PLEKHA8: variants seen among roughly 807,000 people sequenced by gnomAD.
PLEKHA8 encodes the protein pleckstrin homology domain containing A8.
Under a neutral mutation model 68.2 loss-of-function variants are expected in PLEKHA8, and 36 were observed. The observed-to-expected ratio is 0.53, with a 90% CI of 0.40 to 0.70. PLEKHA8 has a LOEUF of 0.70. PLEKHA8 is among the 30% of genes least tolerant of loss of function. PLEKHA8 has a pLI of 0.00. For synonymous variants in PLEKHA8, 211 were observed against 216.1 expected, an observed-to-expected ratio of 0.98 and a Z score of 0.20; for missense variants, 505 against 615.4, an observed-to-expected ratio of 0.82 and a Z score of 1.90.
downstream of PLEKHA8, among the ~76,000 whole-genome samples, chr7:30,088,700 T>C (rs1795278703): frequency 5.3e-5 from 8 of 152,364 alleles, no homozygotes; most frequent in South Asian, 1.7e-3. Context: ...GAGCCCAACC[T>C]TGTTTTTGTG....
At chr7:30,127,735 G>A (rs1562563501) in intron 13 of PLEKHA8, among the ~76,000 whole-genome samples, 1 of 152,114 alleles carries the variant, frequency 6.6e-6, no homozygotes, top group Non-Finnish European at 1.5e-5. Context: ...AAAAGTTCTT[G>A]TCTATAGAAA....
chr7:30,046,425 T>C, intron 3 of PLEKHA8, 60 bp downstream of exon 3: 1 of 1,502,300 alleles, frequency 6.7e-7, no homozygotes, highest in East Asian at 2.3e-5. Context: ...GCATCTCTGA[T>C]TTCCCTTATT....
downstream of PLEKHA8, chr7:30,129,513 A>G (rs1458604951): frequency 3.3e-6 from 2 of 611,562 alleles, no homozygotes; most frequent in Admixed American, 5.9e-5. Flanking sequence ...TGCAATTTCT[A>G]ATTGATACAC....
intron 1 of PLEKHA8, among the ~76,000 whole-genome samples, chr7:30,029,659 G>GA (rs1790505312): frequency 6.6e-6 from 1 of 152,198 alleles, no homozygotes; most frequent in South Asian, 2.1e-4. Context: ...TTTTATCACA[G>GA]AAAATGAATT....
At chr7:30,061,770 A>G in intron 10 of PLEKHA8, 127 bp from the exon 11 acceptor site, 1 of 915,074 alleles carries the variant, frequency 1.1e-6, no homozygotes, top group Non-Finnish European at 1.6e-6. Context: ...ATAAGGAAGA[A>G]GGTAATAGGA....
chr7:30,108,095 T>TAC (rs1464578049), intron 13 of PLEKHA8, among the ~76,000 whole-genome samples: 1 of 120,376 alleles, frequency 8.3e-6, no homozygotes, highest in Non-Finnish European at 1.7e-5. Flanking sequence ...AAAAAAAACC[T>TAC]ACATTCATTG....
intron 6 of PLEKHA8, 69 bp from the exon 7 acceptor site, chr7:30,052,640 C>CAAAA (rs75714651): frequency 4.9e-5 from 52 of 1,066,846 alleles, no homozygotes; most frequent in African/African-American, 4.4e-4. Context: ...GACCCTGTTT[C>CAAAA]AAAAAAAAAA....
intron 12 of PLEKHA8, 79 bp from the exon 13 acceptor site, chr7:30,073,988 TAAAA>T: frequency 2.2e-6 from 2 of 899,964 alleles, no homozygotes; most frequent in South Asian, 1.9e-5. Context: ...CCTGTCTCTT[TAAAA>T]AAAAAAAAAG....
At position 30,080,311 on chromosome 7, in the gene PLEKHA8, C is replaced by T. The variant is rs1020565620; in HGVS notation, c.*1524C>T. 1.8e-5 allele frequency: 18 copies of T among 985,222 alleles called. No homozygotes were observed. The highest frequency in any genetic ancestry group is 1.9e-5 in the Non-Finnish European group (16 of 829,944). 61.0% of individuals were successfully genotyped at this position (985,222 alleles called of 1,614,324 possible). A position where few individuals can be genotyped will look rare whatever the true frequency, so the allele number is the denominator to read the frequency against. On this transcript the variant is annotated 3_prime_UTR_variant, in exon 14 of 14. Coordinates refer to ENST00000449726, the MANE Select transcript of PLEKHA8 (RefSeq NM_001197026.2). ...AGACCATGCTGCCTCGAGTGTGCAT[C>T]GGAGAGAAGCCATGGGTACCTTCCC... is the stretch of plus-strand genomic sequence containing the variant.
intron 1 of PLEKHA8, among the ~76,000 whole-genome samples, chr7:30,036,452 A>ATAGATAGATAGATAGAT (rs1791104400): frequency 7.0e-6 from 1 of 142,250 alleles, no homozygotes; most frequent in Non-Finnish European, 1.6e-5. Context: ...AGATAGATAG[A>ATAGATAGATAGATAGAT]TAGATAGATA....
At chr7:30,074,396 A>G (rs1394462493) in intron 13 of PLEKHA8, among the ~76,000 whole-genome samples, 4 of 152,158 alleles carry the variant, frequency 2.6e-5, no homozygotes, top group African/African-American at 7.2e-5. Context: ...GGAATAGCAA[A>G]GACTGTTAAA....
chr7:30,058,682 GTC>G (rs897870396), intron 9 of PLEKHA8, among the ~76,000 whole-genome samples: 1 of 152,014 alleles, frequency 6.6e-6, no homozygotes, highest in Non-Finnish European at 1.5e-5. Context: ...GATAATGTAA[GTC>G]TCTCAGTTTT....
At chr7:30,090,404 GCA>G in exon 13 of PLEKHA8, 1 of 506,472 alleles carries the variant, frequency 2.0e-6, no homozygotes, top group Non-Finnish European at 3.5e-6. Context: ...GTTCTCTTAA[GCA>G]GGTAAGAACT....
chr7:30,097,078 A>G (rs1795649231), intron 13 of PLEKHA8, among the ~76,000 whole-genome samples: 1 of 151,980 alleles, frequency 6.6e-6, no homozygotes, highest in Non-Finnish European at 1.5e-5. Flanking sequence ...TTTCTCCTTC[A>G]CTTATGAATC....
chr7:30,056,759 GTGTGTGTGTGTGTGTGTGTGTGTGTGTA>G (rs1792999267), intron 9 of PLEKHA8, among the ~76,000 whole-genome samples: 1 of 127,894 alleles, frequency 7.8e-6, no homozygotes, highest in South Asian at 2.5e-4. Context: ...GTGTGTGTGT[GTGTGTGTGTGTGTGTGTGTGTGTGTGTA>G]TATATATATG....
Position 30,045,113 on chromosome 7 carries a change from T to G in PLEKHA8, c.69T>G (p.Cys23Trp), listed in dbSNP as rs888279181. 1 of 1,609,886 alleles carries G rather than the reference T, an allele frequency of 6.2e-7. No individual in the cohort carries two copies. The highest frequency in any genetic ancestry group is 8.5e-7 in the Non-Finnish European group (1 of 1,178,406). ...SGWQPRWFLL[C>W]GGILSYYDSP... ...GGCAGCCTCGATGGTTCCTTCTCTG[T>G]GGGGGAATATTGTCCTATTATGATT... The change falls in exon 2 of 14, where the codon TGT becomes TGG. Residue 23 changes from cysteine (C) to tryptophan (W), a missense_variant. By Grantham distance (215) the Cys-to-Trp change is radical. Transcript: ENST00000449726.
chr7:30,056,312 C>CTCTCTCTCTCTCTCTCTCTCTCTCTA (rs796845171), intron 9 of PLEKHA8, among the ~76,000 whole-genome samples: 1 of 94,544 alleles, frequency 1.1e-5, no homozygotes, highest in Non-Finnish European at 2.1e-5. Flanking sequence ...CTCTCTCTCT[C>CTCTCTCTCTCTCTCTCTCTCTCTCTA]TATATATATA....
At chr7:30,115,538 GTACACA>G in intron 13 of PLEKHA8, among the ~76,000 whole-genome samples, 2 of 149,032 alleles carry the variant, frequency 1.3e-5, no homozygotes. Flanking sequence ...GTAGACATAT[GTACACA>G]TGCACGTATA....
At chr7:30,098,601 G>A (rs1041062530) in intron 13 of PLEKHA8, among the ~76,000 whole-genome samples, 1 of 152,232 alleles carries the variant, frequency 6.6e-6, no homozygotes, top group African/African-American at 2.4e-5. Context: ...AGCAATGAGC[G>A]AGGCTCCGTG....
Sources: gnomAD v4.1 joint callset for allele counts (sites outside exome capture counted in the v4.1 genomes callset) on GRCh38, gnomAD v4.1.1 for gene constraint, MANE v1.5 for transcripts, NCBI Gene and HGNC (gene_info 2026-07-23, HGNC 2026-07-21) for gene names.